Variants in TASOR2 observed in about 807,000 individuals in gnomAD.
TASOR2 encodes the protein transcription activation suppressor family member 2, also known as protein TASOR 2.
Under a neutral mutation model 199.5 loss-of-function variants are expected in TASOR2, and 84 were observed. The observed-to-expected ratio is 0.42, with a 90% CI of 0.35 to 0.50. TASOR2 has a LOEUF of 0.50. Among genes scored for constraint, TASOR2 ranks in the 20% least tolerant of loss-of-function variants. The pLI, the probability that TASOR2 is intolerant of heterozygous loss-of-function variation, is 0.02. For missense variants in TASOR2, 2,796 were observed against 2,835.9 expected, an observed-to-expected ratio of 0.99 and a Z score of 0.32; for synonymous variants, 1,103 against 1,046.6, an observed-to-expected ratio of 1.05 and a Z score of -1.04.
In TASOR2 at chr10:5,748,241, A is replaced by T; in HGVS notation, c.4820A>T (p.Gln1607Leu). The change falls in exon 15 of 21, where the codon CAG becomes CTG. Residue 1607 changes from glutamine to leucine, a missense_variant. Physicochemically the swap from Gln to Leu is moderately radical, Grantham distance 113 (BLOSUM62 -2). Coordinates refer to ENST00000328090, the Ensembl canonical transcript of TASOR2. The surrounding 1 kb of genome is among the most constrained non-coding windows in gnomAD (Gnocchi z 5.1). The stretch of plus-strand genomic sequence containing the variant: ...GGTATAGTGAATGTGTCAGTAAAAC[A>T]GCAGACTAGCCCTAAAAGCAGTCAG... The T allele has an allele frequency of 2.5e-6, 4 of 1,614,206 alleles. No individual in the cohort carries two copies. The highest frequency in any genetic ancestry group is 3.4e-6 in the Non-Finnish European group (4 of 1,180,006).
At position 5,749,980 on chromosome 10, in the gene TASOR2, TTC is replaced by T; in HGVS notation, c.6561_6562del (p.Phe2187LeufsTer27). 6.2e-7 allele frequency: 1 copy of T among 1,612,978 alleles called. No individual in the cohort carries two copies. Among genetic ancestry groups the T allele is most frequent in the Non-Finnish European group, 8.5e-7 (1 of 1,179,600 alleles). On this transcript the variant is annotated frameshift_variant, in exon 15 of 21. Transcript: ENST00000328090. LOFTEE classifies it high-confidence loss of function. The stretch of plus-strand genomic sequence containing the variant: ...AGAGGCTTGTAAAAGTACCTTCCTG[TTC>T]TACCTTGTCGAAACAGAAGACAAAT...
chr10:5,745,456 G>A (rs773160508), intron 14 of TASOR2, among the ~76,000 whole-genome samples: 3 of 152,004 alleles, frequency 2.0e-5, no homozygotes, highest in East Asian at 1.9e-4. Flanking sequence ...AATTGAAAAC[G>A]GATGTTAAAA....
chr10:5,746,536 G>T, exon 15 of TASOR2: 1 of 1,614,130 alleles, frequency 6.2e-7, no homozygotes, highest in East Asian at 2.2e-5. Flanking sequence ...GGAAAGAAAG[G>T]ATGATAATAT....
At chr10:5,747,011 G>A in exon 15 of TASOR2, 1 of 1,614,090 alleles carries the variant, frequency 6.2e-7, no homozygotes, top group Non-Finnish European at 8.5e-7. Context: ...TCTTCAGAAG[G>A]GCTTCTAGAA....
In TASOR2 at chr10:5,752,831, C is replaced by T. The variant is rs1838268398; in HGVS notation, c.6606+2804C>T. 6.6e-6 allele frequency among the ~76,000 whole-genome samples: 1 copy of T among 152,196 alleles called. No individual in the cohort carries two copies. The highest frequency in any genetic ancestry group is 6.5e-5 in the Admixed American group (1 of 15,286). The stretch of plus-strand genomic sequence containing the variant: ...GAGTGAGCCATGTCAGCCAGAGGCT[C>T]AGGCTGGGCTGTGGGAGAGAACAGC... On this transcript the variant is annotated intron_variant, in intron 15 of 20. Coordinates refer to ENST00000328090, the Ensembl canonical transcript of TASOR2. The surrounding 1 kb of genome is among the most constrained non-coding windows in gnomAD (Gnocchi z 4.4).
chr10:5,728,294 A>G (rs759590789), intron 10 of TASOR2, among the ~76,000 whole-genome samples: 1 of 151,754 alleles, frequency 6.6e-6, no homozygotes, highest in African/African-American at 2.4e-5. Context: ...TCTATATAGT[A>G]TTTATAAAGC....
At chr10:5,715,655 G>A (rs919331140) in intron 2 of TASOR2, among the ~76,000 whole-genome samples, 6 of 150,272 alleles carry the variant, frequency 4.0e-5, no homozygotes, top group African/African-American at 1.5e-4. Context: ...TTTTTTTTTG[G>A]TGGCGGGGTA....
At position 5,694,648 on chromosome 10, in the gene TASOR2, T is replaced by A. The variant is rs115047443; in HGVS notation, c.-288+9473T>A. On this transcript the variant is annotated intron_variant, in intron 1 of 20. Coordinates refer to ENST00000328090, the Ensembl canonical transcript of TASOR2. Reference sequence around the variant, plus strand: ...ATTTTTCACTGTTACTAAATAGTTTTCTTTGGGGGCATCTTAATTTGTTTT... The same window carrying A: ...ATTTTTCACTGTTACTAAATAGTTTACTTTGGGGGCATCTTAATTTGTTTT... 6.0e-3 allele frequency among the ~76,000 whole-genome samples: 920 copies of A among 152,344 alleles called. 16 individuals are homozygous for A. Among genetic ancestry groups the A allele is most frequent in the African/African-American group, 0.021 (881 of 41,568 alleles).
intron 8 of TASOR2, 115 bp from the exon 10 acceptor site, chr10:5,726,770 C>A: frequency 1.2e-6 from 1 of 845,668 alleles, no homozygotes; most frequent in Non-Finnish European, 1.9e-6. Flanking sequence ...ATTCCCATAA[C>A]ATTTGCAGAA....
chr10:5,744,608 A>ATGGT (rs1174592256), intron 14 of TASOR2, among the ~76,000 whole-genome samples: 1 of 151,768 alleles, frequency 6.6e-6, no homozygotes, highest in Non-Finnish European at 1.5e-5. Flanking sequence ...CCAGCCAGAA[A>ATGGT]TGGTTGGTTG....
rs200661404 is a variant in TASOR2 at position 5,746,162 on chromosome 10, T to TA, written c.2758-16dup. 2 of 1,506,272 alleles carry TA rather than the reference T, an allele frequency of 1.3e-6. No individual in the cohort carries two copies. Among genetic ancestry groups the TA allele is most frequent in the East Asian group, 2.3e-5 (1 of 43,534 alleles). The allele number at this position is 1,506,272 out of a possible 1,614,324, so 93.3% of individuals were successfully genotyped here. On this transcript the variant is annotated splice_polypyrimidine_tract_variant and intron_variant, in intron 14 of 20. Coordinates refer to ENST00000328090, the Ensembl canonical transcript of TASOR2. ...TATATGACTGATTTTTTTTTTTTTTTACTTTGGCCGTTTCAGGTAACTGGG... is the reference window on the plus strand; with the variant it reads ...TATATGACTGATTTTTTTTTTTTTTTAACTTTGGCCGTTTCAGGTAACTGGG...
Position 5,719,142 on chromosome 10 carries a change from C to T in TASOR2, c.-100+1392C>T, listed in dbSNP as rs915648355. ...AAATGAAGAGGCAGGACTTAAACAA[C>T]AACAAAACATCTTCTTTTTTAAAAA... On this transcript the variant is annotated intron_variant, in intron 3 of 20. Transcript: ENST00000328090. The surrounding 1 kb of genome is among the most constrained non-coding windows in gnomAD (Gnocchi z 4.1). Among the ~76,000 whole-genome samples, 1 of 151,984 alleles carries T rather than the reference C, an allele frequency of 6.6e-6. No individual in the cohort carries two copies. The highest frequency in any genetic ancestry group is 1.5e-5 in the Non-Finnish European group (1 of 67,990).
In TASOR2 at chr10:5,687,779, C is replaced by G. The variant is rs1344037676; in HGVS notation, c.-288+2604C>G. Among the ~76,000 whole-genome samples the G allele has an allele frequency of 6.6e-6, 1 of 152,250 alleles. No individual in the cohort carries two copies. The highest frequency in any genetic ancestry group is 1.5e-5 in the Non-Finnish European group (1 of 68,048). On this transcript the variant is annotated intron_variant, in intron 1 of 20. Coordinates refer to ENST00000328090, the Ensembl canonical transcript of TASOR2. This position sits in a 1 kb window ranked among gnomAD's most constrained non-coding sequence, Gnocchi z 4.8. ...GTTGCAGTGAGCCAAGGTTGTGTCA[C>G]TCTACGGCAGCCTGGGTGACAGAGT... is the stretch of plus-strand genomic sequence containing the variant.
Position 5,722,038 on chromosome 10 carries a change from C to CT in TASOR2, c.146+1075dup, listed in dbSNP as rs1396539473. ...GGCATCTTGGATTGGAAATTGTTTT[C>CT]TTTTTTTGTGAAGGAACTTAGTGAG... On this transcript the variant is annotated intron_variant, in intron 6 of 20. Coordinates refer to ENST00000328090, the Ensembl canonical transcript of TASOR2. This position sits in a 1 kb window ranked among gnomAD's most constrained non-coding sequence, Gnocchi z 4.0. 6.6e-6 allele frequency among the ~76,000 whole-genome samples: 1 copy of CT among 152,142 alleles called. No individual in the cohort carries two copies. The highest frequency in any genetic ancestry group is 1.5e-5 in the Non-Finnish European group (1 of 68,030).
chr10:5,748,358 C>A lies in TASOR2; in HGVS notation c.4937C>A (p.Ser1646Tyr). 1 of 1,614,254 alleles carries A rather than the reference C, an allele frequency of 6.2e-7. No individual in the cohort carries two copies. Among genetic ancestry groups the A allele is most frequent in the Non-Finnish European group, 8.5e-7 (1 of 1,180,052 alleles). Residue 1646 changes from serine (S) to tyrosine (Y), a missense_variant, in exon 15 of 21, where the codon TCT becomes TAT. Ser to Tyr is a moderately radical substitution (Grantham distance 144). Around this residue, in one of 3 missense-constraint regions of TASOR2, gnomAD observed 1,941 missense variants for 1,924.9 expected, o/e 1.01. Transcript: ENST00000328090. The surrounding 1 kb of genome is among the most constrained non-coding windows in gnomAD (Gnocchi z 5.1). ...GCTGCCTCGGTTGATGGAGCTTATT[C>A]TACACAGGGATGCATGTGCTCAGTG...
In TASOR2 at chr10:5,703,503, A is replaced by ATTT. The variant is rs371366460; in HGVS notation, c.-287-9302_-287-9300dup. ...TATATTGCTAGTTTAGGTTTTTCTG[A>ATTT]TTTTTTTTTTTTTTTTTTTTGAGAC... is the stretch of plus-strand genomic sequence containing the variant. On this transcript the variant is annotated intron_variant, in intron 1 of 20. Coordinates refer to ENST00000328090, the Ensembl canonical transcript of TASOR2. Among the ~76,000 whole-genome samples the ATTT allele has an allele frequency of 7.3e-3, 802 of 110,222 alleles. 51 individuals are homozygous for ATTT. Among genetic ancestry groups the ATTT allele is most frequent in the African/African-American group, 0.023 (673 of 28,752 alleles). 72.3% of individuals were successfully genotyped at this position (110,222 alleles called of 152,430 possible).
chr10:5,746,543 A>G (rs1002123908), exon 15 of TASOR2: 1 of 1,614,100 alleles, frequency 6.2e-7, no homozygotes, highest in African/African-American at 1.3e-5. Context: ...AAGGATGATA[A>G]TATGGGGTGT....
rs1833246119 is a variant in TASOR2, at chr10:5,720,735, T to C, written c.27-20T>C. On this transcript the variant is annotated intron_variant, in intron 4 of 20. Transcript: ENST00000328090. The surrounding 1 kb of genome is among the most constrained non-coding windows in gnomAD (Gnocchi z 5.3). ...CTTTTACTCTTGTAAACATGTTCTT[T>C]TTCTTTCTTTTTCTGCTAGACTTGA... 1 of 1,613,764 alleles carries C rather than the reference T, an allele frequency of 6.2e-7. No homozygotes were observed. The highest frequency in any genetic ancestry group is 8.5e-7 in the Non-Finnish European group (1 of 1,179,890).
intron 1 of TASOR2, among the ~76,000 whole-genome samples, chr10:5,708,090 T>C (rs530368814): frequency 1.4e-3 from 214 of 152,346 alleles, no homozygotes; most frequent in African/African-American, 5.0e-3. Flanking sequence ...TGTAAAACTA[T>C]ACATGCTGTT....
Sources: gnomAD v4.1 joint callset for allele counts (sites outside exome capture counted in the v4.1 genomes callset) on GRCh38, gnomAD v4.1.1 for gene constraint, gnomAD v4.1.1 regional missense constraint, Gnocchi (gnomAD v3.1) non-coding constraint, MANE v1.5 for transcripts, NCBI Gene and HGNC (gene_info 2026-07-23, HGNC 2026-07-21) for gene names.